H3-7: variants seen among roughly 807,000 people sequenced by gnomAD.
The protein encoded by H3-7 is histone H3-7.
At chr1:143,905,382 G>C in the H3-7 span, 1 of 577,920 alleles carries the variant, frequency 1.7e-6, no homozygotes, top group Non-Finnish European at 3.1e-6. Context: ...TCTACTGCCG[G>C]CCAACTCACG....
the H3-7 span, chr1:143,904,521 T>C: frequency 1.2e-6 from 2 of 1,605,960 alleles, no homozygotes; most frequent in Non-Finnish European, 1.7e-6. Context: ...CTTGCGCTTC[T>C]CGCCGTCCTT....
the H3-7 span, chr1:143,905,814 C>T: frequency 6.3e-7 from 1 of 1,582,334 alleles, no homozygotes; most frequent in Non-Finnish European, 8.7e-7. Flanking sequence ...AGCGCCGGAT[C>T]TCCCGCAGAG....
the H3-7 span, chr1:143,904,627 A>C: frequency 1.9e-6 from 3 of 1,580,702 alleles, 1 homozygote; most frequent in Non-Finnish European, 2.6e-6. Context: ...AAGAGAACAG[A>C]GACTTAAAGA....
At chr1:143,904,860 G>C in the H3-7 span, among the ~76,000 whole-genome samples, 2 of 145,148 alleles carry the variant, frequency 1.4e-5, 1 homozygote, top group South Asian at 4.6e-4. Context: ...ACACTAACCA[G>C]TTTTAAGCTA....
At chr1:143,905,741 C>G in the H3-7 span, 11 of 1,581,702 alleles carry the variant, frequency 7.0e-6, no homozygotes, top group African/African-American at 6.7e-5. Context: ...AACTCCTGCG[C>G]GATCTCGCGT....
chr1:143,905,575 A>T, the H3-7 span: 1 of 1,581,342 alleles, frequency 6.3e-7, no homozygotes, highest in Non-Finnish European at 8.7e-7. Context: ...CTCCCCGCGG[A>T]TGCGGCTGAC....
chr1:143,903,212 GCGCAAA>G, the H3-7 span, among the ~76,000 whole-genome samples: 8 of 129,504 alleles, frequency 6.2e-5, 1 homozygote, highest in Non-Finnish European at 1.2e-4. Context: ...AAAAAAACAA[GCGCAAA>G]GGTGACTCTT....
At chr1:143,902,831 C>A in the H3-7 span, among the ~76,000 whole-genome samples, 1 of 146,510 alleles carries the variant, frequency 6.8e-6, no homozygotes, top group Non-Finnish European at 1.5e-5. Flanking sequence ...AAACCAACCA[C>A]CTCGTCAGGT....
At chr1:143,905,573 G>A in the H3-7 span, 4 of 1,580,932 alleles carry the variant, frequency 2.5e-6, no homozygotes, top group South Asian at 1.1e-5. Flanking sequence ...CGCTCCCCGC[G>A]GATGCGGCTG....
chr1:143,905,943 G>T, the H3-7 span: 42 of 1,580,114 alleles, frequency 2.7e-5, 1 homozygote, highest in Non-Finnish European at 3.5e-5. Flanking sequence ...TCGACTTGCG[G>T]GCAGTCTGCT....
the H3-7 span, among the ~76,000 whole-genome samples, chr1:143,902,603 TGA>T: frequency 3.5e-4 from 50 of 143,946 alleles, 3 homozygotes; most frequent in African/African-American, 1.1e-3. Flanking sequence ...TTTGTCAGGA[TGA>T]GTCTTGAGTT....
the H3-7 span, chr1:143,904,311 G>A: frequency 6.3e-7 from 1 of 1,582,880 alleles, no homozygotes; most frequent in Non-Finnish European, 8.6e-7. Flanking sequence ...CAGGCGCACG[G>A]CCGTCTGGAT....
the H3-7 span, chr1:143,905,776 C>A: frequency 1.9e-6 from 3 of 1,582,104 alleles, no homozygotes; most frequent in African/African-American, 2.7e-5. Flanking sequence ...GGGCAGCTTG[C>A]GGATCAGCAG....
At chr1:143,905,725 G>A in the H3-7 span, 4 of 1,581,900 alleles carry the variant, frequency 2.5e-6, 1 homozygote, top group Non-Finnish European at 3.5e-6. Flanking sequence ...GCGCAGGTCC[G>A]TCTTAAACTC....
At chr1:143,905,852 G>C in the H3-7 span, 1 of 1,581,570 alleles carries the variant, frequency 6.3e-7, no homozygotes, top group African/African-American at 1.3e-5. Context: ...TAGCGGTGCG[G>C]CTTCTTCACC....
chr1:143,905,473 A>G, the H3-7 span: 1 of 1,047,026 alleles, frequency 9.6e-7, no homozygotes, highest in South Asian at 1.6e-5. Flanking sequence ...CGCACATCAG[A>G]TGGAGAGCCG....
the H3-7 span, chr1:143,904,598 C>T: frequency 3.8e-6 from 6 of 1,587,738 alleles, 1 homozygote; most frequent in African/African-American, 4.0e-5. Context: ...TCGCTGGATC[C>T]GGCATTTTTG....
chr1:143,905,464 G>A, the H3-7 span: 14 of 983,724 alleles, frequency 1.4e-5, no homozygotes, highest in Admixed American at 4.8e-5. Context: ...CAAGGCAGAC[G>A]CACATCAGAT....
the H3-7 span, chr1:143,904,262 C>G: frequency 1.3e-6 from 2 of 1,586,082 alleles, no homozygotes; most frequent in Non-Finnish European, 1.7e-6. Context: ...CCTTGGTGCC[C>G]TCGGACACGG....
Sources: gnomAD v4.1 joint callset for allele counts (sites outside exome capture counted in the v4.1 genomes callset) on GRCh38, gnomAD v4.1.1 for gene constraint, MANE v1.5 for transcripts, NCBI Gene and HGNC (gene_info 2026-07-23, HGNC 2026-07-21) for gene names.